Variants in RGS6 observed in about 807,000 individuals in gnomAD.
The protein encoded by RGS6 is regulator of G protein signaling 6, also known as regulator of G-protein signaling 6.
RGS6 carries 30 observed loss-of-function variants against 78.5 expected under a neutral mutation model. The ratio of observed to expected loss-of-function variants is 0.38; its 90% confidence interval spans 0.29 to 0.52. The LOEUF (loss-of-function observed/expected upper bound fraction) is 0.52, where lower values mean the gene tolerates loss of function less well. RGS6 is among the 20% of genes least tolerant of loss of function. The pLI, the probability that RGS6 is intolerant of heterozygous loss-of-function variation, is 0.85. For synonymous variants in RGS6, 206 were observed against 206.0 expected, an observed-to-expected ratio of 1.00 and a Z score of 0.00; for missense variants, 495 against 609.7, an observed-to-expected ratio of 0.81 and a Z score of 1.98.
At chr14:71,879,202 C>T in the RGS6 span, among the ~76,000 whole-genome samples, 17 of 152,136 alleles carry the variant, frequency 1.1e-4, no homozygotes, top group Non-Finnish European at 1.8e-4. Flanking sequence ...TTCATTTGCC[C>T]TCTTTGAAAG....
At chr14:72,280,145 A>G (rs2152222031) in intron 2 of RGS6, among the ~76,000 whole-genome samples, 1 of 151,452 alleles carries the variant, frequency 6.6e-6, no homozygotes, top group East Asian at 1.9e-4. Context: ...AAAGGTATTT[A>G]CCTGGGTTTT....
chr14:71,964,822 G>A lies in RGS6; in HGVS notation c.31G>A (p.Val11Met). 6.2e-7 allele frequency: 1 copy of A among 1,613,876 alleles called. No homozygotes were observed. Residue 11 changes from valine (V) to methionine (M), a missense_variant, in exon 2 of 18, where the codon GTG (valine) becomes ATG (methionine). Physicochemically the swap from Val to Met is conservative, Grantham distance 21. Transcript: ENST00000553525. ...TCAAGGATCCGGGGATCAAAGAGCA[G>A]TGGGGGTTGCTGACCCAGAGGAGAG... MAQGSGDQRA[V>M]GVADPEESSP...
rs1032893267 is a variant in RGS6, at chr14:72,540,346, G to A, written c.1422+252G>A. 410 of 1,458,140 alleles carry A rather than the reference G, an allele frequency of 2.8e-4. 2 individuals are homozygous for A. The highest frequency in any genetic ancestry group is 9.6e-4 in the Middle Eastern group (5 of 5,194). 90.3% of individuals were successfully genotyped at this position (1,458,140 alleles called of 1,614,324 possible). ...CTTGATCGCCCAGCCTCAGGCCTGGGCATTTGATCATCTGTTCAGGGCTTT... is the reference window on the plus strand; with the variant it reads ...CTTGATCGCCCAGCCTCAGGCCTGGACATTTGATCATCTGTTCAGGGCTTT... On this transcript the variant is annotated intron_variant, in intron 17 of 17. Transcript: ENST00000553525.
At chr14:72,129,967 G>T (rs893496446) in intron 2 of RGS6, among the ~76,000 whole-genome samples, 1 of 152,074 alleles carries the variant, frequency 6.6e-6, no homozygotes, top group African/African-American at 2.4e-5. Context: ...GACCCTACAG[G>T]TTAAGGGCTC....
chr14:72,143,874 A>C (rs2153618434), intron 2 of RGS6, among the ~76,000 whole-genome samples: 1 of 152,372 alleles, frequency 6.6e-6, no homozygotes, highest in Admixed American at 6.5e-5. Context: ...ATATTTGTTT[A>C]ATGTTAATAA....
rs571444711 is a variant in RGS6 at position 72,262,616 on chromosome 14, G to A, written c.85-89479G>A. Among the ~76,000 whole-genome samples the A allele has an allele frequency of 2.6e-5, 4 of 152,312 alleles. No homozygotes were observed. The South Asian group carries it at 8.3e-4, about 32-fold the overall frequency. Reference sequence around the variant, plus strand: ...AACACAGTTCAGTCCATAACAGAGAGGAAGAAAGAGATTCTTAAAAAGTGT... The same window carrying A: ...AACACAGTTCAGTCCATAACAGAGAAGAAGAAAGAGATTCTTAAAAAGTGT... On this transcript the variant is annotated intron_variant, in intron 2 of 17. Coordinates refer to ENST00000553525, the MANE Select transcript of RGS6 (RefSeq NM_001204424.2).
intron 2 of RGS6, among the ~76,000 whole-genome samples, chr14:71,982,211 G>T (rs957141986): frequency 2.0e-5 from 3 of 152,162 alleles, no homozygotes; most frequent in South Asian, 4.1e-4. Context: ...AGATGAACCC[G>T]GTACCTCAGA....
At chr14:72,175,888 C>A (rs1278675904) in intron 2 of RGS6, among the ~76,000 whole-genome samples, 1 of 152,088 alleles carries the variant, frequency 6.6e-6, no homozygotes, top group Non-Finnish European at 1.5e-5. Flanking sequence ...CAGTGCTGGT[C>A]CCCCACTCTC....
At chr14:72,370,641 A>G (rs2083320632) in intron 3 of RGS6, among the ~76,000 whole-genome samples, 1 of 152,166 alleles carries the variant, frequency 6.6e-6, no homozygotes, top group Non-Finnish European at 1.5e-5. Flanking sequence ...ATGGGCAGTG[A>G]TTACTGTTTA....
intron 2 of RGS6, among the ~76,000 whole-genome samples, chr14:72,075,533 A>C (rs1487003947): frequency 3.3e-5 from 5 of 152,180 alleles, no homozygotes; most frequent in Admixed American, 1.3e-4. Flanking sequence ...AGAATGGGAT[A>C]CTTTTTATTA....
chr14:72,013,289 A>AC (rs2086225692), intron 2 of RGS6, among the ~76,000 whole-genome samples: 2 of 150,822 alleles, frequency 1.3e-5, no homozygotes, highest in Admixed American at 1.3e-4. Context: ...AAAAAAAAAA[A>AC]AAAAACAACA....
At chr14:72,286,259 A>C (rs1170138311) in intron 2 of RGS6, among the ~76,000 whole-genome samples, 1 of 152,210 alleles carries the variant, frequency 6.6e-6, no homozygotes, top group Non-Finnish European at 1.5e-5. Context: ...TAATTTATCA[A>C]GGGACTAACC....
intron 2 of RGS6, among the ~76,000 whole-genome samples, chr14:72,312,151 G>T (rs1032323741): frequency 6.6e-6 from 1 of 151,924 alleles, no homozygotes; most frequent in African/African-American, 2.4e-5. Context: ...TTCTGCAGGG[G>T]AATGTGTACT....
chr14:72,299,241 A>T (rs2065544836), intron 2 of RGS6, among the ~76,000 whole-genome samples: 1 of 152,182 alleles, frequency 6.6e-6, no homozygotes, highest in South Asian at 2.1e-4. Flanking sequence ...TATCACCCTA[A>T]CAAGAAATCG....
intron 3 of RGS6, among the ~76,000 whole-genome samples, chr14:72,427,150 T>C (rs1388421830): frequency 6.6e-6 from 1 of 152,222 alleles, no homozygotes; most frequent in African/African-American, 2.4e-5. Context: ...CAGTTATCCA[T>C]GGTCAACCGT....
rs140937805 is a variant in RGS6 at position 72,100,929 on chromosome 14, C to T, written c.84+136054C>T. ...ATCCCAATACTTTGGGATGCCAAGG[C>T]AGGTGGATTGTTTGAGTTCAGGAGT... On this transcript the variant is annotated intron_variant, in intron 2 of 17. Transcript: ENST00000553525. Among the ~76,000 whole-genome samples the T allele has an allele frequency of 3.3e-5, 5 of 152,214 alleles. No homozygotes were observed. In the East Asian group the frequency reaches 9.7e-4, roughly 29 times the overall value.
intron 3 of RGS6, among the ~76,000 whole-genome samples, chr14:72,388,769 C>T (rs1182771211): frequency 6.6e-6 from 1 of 152,186 alleles, no homozygotes; most frequent in African/African-American, 2.4e-5. Context: ...GGGCTCTGTA[C>T]CTTGGCCACT....
intron 2 of RGS6, among the ~76,000 whole-genome samples, chr14:72,104,549 C>T (rs1407811305): frequency 2.6e-5 from 4 of 152,148 alleles, no homozygotes; most frequent in Non-Finnish European, 5.9e-5. Context: ...CCTAACATGA[C>T]AGATGATATT....
intron 2 of RGS6, among the ~76,000 whole-genome samples, chr14:72,021,715 A>G (rs1251533191): frequency 6.7e-6 from 1 of 150,364 alleles, no homozygotes; most frequent in Non-Finnish European, 1.5e-5. Flanking sequence ...CAGGTGAGCC[A>G]CCCTCCTCGG....
Sources: gnomAD v4.1 joint callset for allele counts (sites outside exome capture counted in the v4.1 genomes callset) on GRCh38, gnomAD v4.1.1 for gene constraint, MANE v1.5 for transcripts, NCBI Gene and HGNC (gene_info 2026-07-23, HGNC 2026-07-21) for gene names.